Variants in GNG7 observed in about 807,000 individuals in gnomAD.
GNG7 encodes G protein subunit gamma 7.
In GNG7, 1 loss-of-function variant was observed where a neutral mutation model predicts 4.0. The observed-to-expected ratio is 0.25, with a 90% CI of 0.09 to 1.18. The LOEUF (loss-of-function observed/expected upper bound fraction) is 1.18, where lower values mean the gene tolerates loss of function less well. GNG7 is among the 50% of genes most tolerant of loss of function. The probability of loss-of-function intolerance (pLI) is 0.50; values close to 1 mark genes in which losing one functional copy is unlikely to be tolerated. For missense variants in GNG7, 86 were observed against 91.9 expected (o/e 0.94, Z 0.26); for synonymous variants, 34 against 36.9 (o/e 0.92, Z 0.29).
chr19:2,560,072 G>A (rs565103062), intron 2 of GNG7, among the ~76,000 whole-genome samples: 7 of 152,206 alleles, frequency 4.6e-5, no homozygotes, highest in African/African-American at 9.6e-5. Flanking sequence ...ACGGGGAGGC[G>A]GAGCGTGGCC....
chr19:2,696,556 G>A (rs571773593), intron 1 of GNG7, among the ~76,000 whole-genome samples: 16 of 152,326 alleles, frequency 1.1e-4, no homozygotes, highest in South Asian at 2.1e-4. Context: ...AGGCAAAAGC[G>A]GCCGAGCGTG....
Position 2,557,974 on chromosome 19 carries a change from TGGGACTACAGGCAC to T in GNG7, c.-77-2800_-77-2787del, listed in dbSNP as rs1979617512. ...CTCCTGCCTCAGCCTCTCAAGTAGCTGGGACTACAGGCACGGGCCACCAGGCCTGGGTAATTTTT... is the reference window on the plus strand; with the variant it reads ...CTCCTGCCTCAGCCTCTCAAGTAGCTGGGCCACCAGGCCTGGGTAATTTTT... On this transcript the variant is annotated intron_variant, in intron 2 of 4. Coordinates refer to ENST00000382159, the MANE Select transcript of GNG7 (RefSeq NM_052847.3). The surrounding 1 kb of genome is among the most constrained non-coding windows in gnomAD (Gnocchi z 5.1). Among the ~76,000 whole-genome samples the T allele has an allele frequency of 6.6e-6, 1 of 152,078 alleles. No homozygotes were observed. The highest frequency in any genetic ancestry group is 1.5e-5 in the Non-Finnish European group (1 of 68,024).
chr19:2,621,676 G>T (rs1981874212), intron 2 of GNG7, among the ~76,000 whole-genome samples: 1 of 152,084 alleles, frequency 6.6e-6, no homozygotes, highest in African/African-American at 2.4e-5. Context: ...CAGCCTGGGT[G>T]ACAGAGCAAG....
At chr19:2,518,303 C>T (rs1242325809) in intron 4 of GNG7, among the ~76,000 whole-genome samples, 2 of 152,128 alleles carry the variant, frequency 1.3e-5, no homozygotes, top group African/African-American at 4.8e-5. Flanking sequence ...TCAAACAGGG[C>T]AGGATGAGTC....
At chr19:2,650,727 G>A (rs1982789894) in intron 1 of GNG7, among the ~76,000 whole-genome samples, 1 of 152,216 alleles carries the variant, frequency 6.6e-6, no homozygotes, top group Non-Finnish European at 1.5e-5. Flanking sequence ...CGCACCAGCT[G>A]GCGCCAGGCT....
At chr19:2,582,097 T>C (rs1980520673) in intron 2 of GNG7, among the ~76,000 whole-genome samples, 1 of 152,100 alleles carries the variant, frequency 6.6e-6, no homozygotes, top group Non-Finnish European at 1.5e-5. Context: ...TCAATAAAAG[T>C]GAACAAACCA....
intron 1 of GNG7, among the ~76,000 whole-genome samples, chr19:2,656,257 C>T (rs996450253): frequency 6.6e-6 from 1 of 152,152 alleles, no homozygotes; most frequent in African/African-American, 2.4e-5. Context: ...GCCTCATTCA[C>T]AATAGCCGAG....
intron 2 of GNG7, among the ~76,000 whole-genome samples, chr19:2,556,743 C>T (rs1979556634): frequency 6.6e-6 from 1 of 152,150 alleles, no homozygotes; most frequent in African/African-American, 2.4e-5. Flanking sequence ...GTCACCTTCT[C>T]CTAAGCCAGG....
intron 2 of GNG7, among the ~76,000 whole-genome samples, chr19:2,616,310 T>C (rs1350252883): frequency 1.3e-5 from 2 of 152,088 alleles, no homozygotes; most frequent in Non-Finnish European, 2.9e-5. Flanking sequence ...AATGGCACGA[T>C]CTCGACTCAT....
chr19:2,543,221 CTTTTT>C (rs34642408), intron 3 of GNG7, among the ~76,000 whole-genome samples: 2 of 121,686 alleles, frequency 1.6e-5, no homozygotes, highest in Admixed American at 8.6e-5. Flanking sequence ...GCCTGGCCTC[CTTTTT>C]TTTTTTTTTT....
rs569281041 is a variant in GNG7, at chr19:2,595,709, T to TG, written c.-77-40522dup. On this transcript the variant is annotated intron_variant, in intron 2 of 4. Coordinates refer to ENST00000382159, the MANE Select transcript of GNG7 (RefSeq NM_052847.3). Reference sequence around the variant, plus strand: ...AAGATCGCACCACTGCACTCCAGCCTGGGCAACAGAGTGAGACTCTGTCTC... The same window carrying TG: ...AAGATCGCACCACTGCACTCCAGCCTGGGGCAACAGAGTGAGACTCTGTCTC... 4.2e-3 allele frequency among the ~76,000 whole-genome samples: 614 copies of TG among 146,842 alleles called. 3 individuals carry two copies. Among genetic ancestry groups the TG allele is most frequent in the African/African-American group, 0.015 (592 of 39,702 alleles).
In GNG7 at chr19:2,657,349, AAAAAAAAAAAAAATATATATAT is replaced by A. The variant is rs1268367181; in HGVS notation, c.-134-11091_-134-11070del. On this transcript the variant is annotated intron_variant, in intron 1 of 4. Transcript: ENST00000382159. ...ACCCCGTCTCAATTAAAAAAAAAAA[AAAAAAAAAAAAAATATATATAT>A]ATATATATATATATATATATATATA... Among the ~76,000 whole-genome samples the A allele has an allele frequency of 2.0e-3, 39 of 19,668 alleles. 3 individuals carry two copies. Among genetic ancestry groups the A allele is most frequent in the South Asian group, 4.2e-3 (2 of 474 alleles). 12.9% of individuals were successfully genotyped at this position (19,668 alleles called of 152,430 possible).
chr19:2,570,333 G>A (rs1198634892), intron 2 of GNG7, among the ~76,000 whole-genome samples: 1 of 152,120 alleles, frequency 6.6e-6, no homozygotes, highest in Non-Finnish European at 1.5e-5. Context: ...AAACTTCTAT[G>A]CTTTATAAAC....
At chr19:2,537,926 C>T (rs1978797447) in intron 3 of GNG7, among the ~76,000 whole-genome samples, 1 of 151,954 alleles carries the variant, frequency 6.6e-6, no homozygotes, top group Non-Finnish European at 1.5e-5. Flanking sequence ...AAAATACAAA[C>T]ATCAGCCGGA....
At chr19:2,545,813 G>A (rs370828177) in intron 3 of GNG7, among the ~76,000 whole-genome samples, 1 of 151,696 alleles carries the variant, frequency 6.6e-6, no homozygotes, top group African/African-American at 2.4e-5. Context: ...AAAATTAGCC[G>A]TGAGTGGTGG....
chr19:2,551,669 T>A (rs965823968), intron 3 of GNG7, among the ~76,000 whole-genome samples: 6 of 113,572 alleles, frequency 5.3e-5, no homozygotes, highest in Non-Finnish European at 5.4e-5. Context: ...AATATATATT[T>A]AAAAAATATA....
At chr19:2,576,141 A>G (rs1980331639) in intron 2 of GNG7, among the ~76,000 whole-genome samples, 2 of 152,192 alleles carry the variant, frequency 1.3e-5, no homozygotes. Flanking sequence ...ACACAGACAC[A>G]TGCGGCACGG....
At chr19:2,565,411 C>A (rs1490792239) in intron 2 of GNG7, among the ~76,000 whole-genome samples, 2 of 151,746 alleles carry the variant, frequency 1.3e-5, no homozygotes, top group Non-Finnish European at 2.9e-5. Flanking sequence ...ACTCAGGAGA[C>A]TGAGGCAAGA....
chr19:2,688,798 G>A (rs1399519687), intron 1 of GNG7, among the ~76,000 whole-genome samples: 1 of 152,164 alleles, frequency 6.6e-6, no homozygotes, highest in East Asian at 1.9e-4. Context: ...GGGCACAGTG[G>A]CTCCCGTCTG....
Sources: allele counts gnomAD v4.1 joint callset (sites outside exome capture counted in the v4.1 genomes callset), GRCh38; gene constraint gnomAD v4.1.1; non-coding constraint Gnocchi (gnomAD v3.1); transcripts MANE v1.5; gene names NCBI Gene and HGNC (gene_info 2026-07-23, HGNC 2026-07-21).